The following KDM7A variants were observed in gnomAD, a reference collection of about 807,000 sequenced individuals.
KDM7A encodes the protein lysine-specific demethylase 7A.
In KDM7A, 28 loss-of-function variants were observed where a neutral mutation model predicts 114.8. The ratio of observed to expected loss-of-function variants is 0.24; its 90% CI spans 0.18 to 0.33. KDM7A has a LOEUF of 0.33. KDM7A is among the 10% of genes least tolerant of loss of function. KDM7A has a pLI of 1.00. For synonymous variants in KDM7A, 423 were observed against 397.8 expected (o/e 1.06, Z -0.75); for missense variants, 942 against 1,142.5 (o/e 0.82, Z 2.53).
chr7:140,173,163 C>A (rs2116864106), intron 1 of KDM7A, among the ~76,000 whole-genome samples: 1 of 152,184 alleles, frequency 6.6e-6, no homozygotes, highest in Admixed American at 6.5e-5. Flanking sequence ...TATAGTGGTA[C>A]GTCCACCAAG....
At chr7:140,119,050 C>G in intron 9 of KDM7A, 63 bp downstream of exon 9, 1 of 904,114 alleles carries the variant, frequency 1.1e-6, no homozygotes, top group Admixed American at 1.9e-5. Flanking sequence ...TGTCAGGTGG[C>G]TATGAGTGAA....
chr7:140,137,937 A>G (rs1432369795), intron 2 of KDM7A, among the ~76,000 whole-genome samples: 1 of 150,530 alleles, frequency 6.6e-6, no homozygotes, highest in Admixed American at 6.7e-5. Context: ...ATCAAGGTAC[A>G]TTCAGGCAAA....
intron 3 of KDM7A, among the ~76,000 whole-genome samples, chr7:140,130,136 A>G (rs1818762512): frequency 6.6e-6 from 1 of 152,196 alleles, no homozygotes; most frequent in Non-Finnish European, 1.5e-5. Flanking sequence ...GTTCCTTAGC[A>G]TTTTGGATAA....
At chr7:140,091,286 C>T in intron 19 of KDM7A, 98 bp from the exon 20 acceptor site, 1 of 830,638 alleles carries the variant, frequency 1.2e-6, no homozygotes, top group Non-Finnish European at 2.1e-6. Context: ...GGGAAGTAAG[C>T]CCTTAGGTGT....
At chr7:140,133,415 AG>A in intron 3 of KDM7A, 123 bp downstream of exon 3, 1 of 566,754 alleles carries the variant, frequency 1.8e-6, no homozygotes, top group South Asian at 2.9e-5. Context: ...AAAGGTGAAA[AG>A]CTGGCTGAGG....
Position 140,086,869 on chromosome 7 carries a change from T to TG in KDM7A, c.*4224dup. ...AGGTCTAGGACACCACCAAGACTGG[T>TG]GAGCTCTAGCTTCTCTTTATGTGGC... On this transcript the variant is annotated 3_prime_UTR_variant, in exon 20 of 20. Coordinates refer to ENST00000397560, the MANE Select transcript of KDM7A (RefSeq NM_030647.2). 1 of 152,114 alleles carries TG rather than the reference T, an allele frequency of 6.6e-6. No homozygotes were observed. Among genetic ancestry groups the TG allele is most frequent in the Middle Eastern group, 3.4e-3 (1 of 294 alleles). 9.4% of individuals were successfully genotyped at this position (152,114 alleles called of 1,614,324 possible).
chr7:140,157,157 T>C (rs555975455), intron 1 of KDM7A, among the ~76,000 whole-genome samples: 3 of 152,322 alleles, frequency 2.0e-5, no homozygotes, highest in South Asian at 2.1e-4. Context: ...TTGAGCTGTA[T>C]AGGAGGAAAA....
At chr7:140,121,655 G>A (rs1182695601) in intron 7 of KDM7A, among the ~76,000 whole-genome samples, 1 of 152,186 alleles carries the variant, frequency 6.6e-6, no homozygotes, top group African/African-American at 2.4e-5. Flanking sequence ...TGGGAGCCAG[G>A]AGTACAATAT....
Position 140,097,017 on chromosome 7 carries a change from T to C in KDM7A, c.2047A>G (p.Ser683Gly). 1 of 1,612,490 alleles carries C rather than the reference T, an allele frequency of 6.2e-7. No individual in the cohort carries two copies. The highest frequency in any genetic ancestry group is 8.5e-7 in the Non-Finnish European group (1 of 1,178,742). ...KSIFTTEESE[S>G]SGDEKKQEIT... ...TCTTGTTTCTTTTCATCACCTGAACTTTCAGACTCTTCAGTGGTAAAGATA... is the reference window on the plus strand; with the variant it reads ...TCTTGTTTCTTTTCATCACCTGAACCTTCAGACTCTTCAGTGGTAAAGATA... Residue 683 changes from serine (S) to glycine (G), a missense_variant, in exon 16 of 20, where the codon AGT (serine) becomes GGT (glycine). Coordinates refer to ENST00000397560, the MANE Select transcript of KDM7A (RefSeq NM_030647.2).
At chr7:140,114,666 C>A (rs1243276283) in intron 9 of KDM7A, among the ~76,000 whole-genome samples, 1 of 151,854 alleles carries the variant, frequency 6.6e-6, no homozygotes, top group Non-Finnish European at 1.5e-5. Context: ...GCCCGGCTGC[C>A]CAGTCTGGGG....
chr7:140,100,661 T>TATATATATATATATATACACAC (rs1562945807), intron 12 of KDM7A, among the ~76,000 whole-genome samples: 30 of 40,726 alleles, frequency 7.4e-4, no homozygotes, highest in Non-Finnish European at 1.0e-3. Flanking sequence ...TTTAAAAAGT[T>TATATATATATATATATACACAC]ATATATATAT....
intron 1 of KDM7A, among the ~76,000 whole-genome samples, chr7:140,150,541 G>C (rs1297213549): frequency 6.6e-6 from 1 of 152,160 alleles, no homozygotes; most frequent in Non-Finnish European, 1.5e-5. Flanking sequence ...ACAAAAGCCA[G>C]GTGCGTAACA....
At chr7:140,096,273 T>G (rs1395863028) in intron 17 of KDM7A, among the ~76,000 whole-genome samples, 1 of 152,214 alleles carries the variant, frequency 6.6e-6, no homozygotes, top group East Asian at 1.9e-4. Context: ...TCCACTCTGA[T>G]CAACCTGTCT....
chr7:140,099,847 A>C (rs1818173972), intron 13 of KDM7A, 52 bp downstream of exon 13: 2 of 1,556,696 alleles, frequency 1.3e-6, no homozygotes, highest in Admixed American at 3.3e-5. Flanking sequence ...AAATGAACAA[A>C]GGGAACCCAA....
At chr7:140,117,360 T>G (rs988647048) in intron 9 of KDM7A, among the ~76,000 whole-genome samples, 1 of 152,206 alleles carries the variant, frequency 6.6e-6, no homozygotes, top group Admixed American at 6.5e-5. Flanking sequence ...AATGGCAAGA[T>G]TTTGTCTTTC....
At chr7:140,129,840 T>C (rs1818758721) in intron 3 of KDM7A, among the ~76,000 whole-genome samples, 187 bp from the exon 4 acceptor site, 1 of 152,168 alleles carries the variant, frequency 6.6e-6, no homozygotes. Context: ...CTAAAATTTA[T>C]AGATAATGTA....
intron 1 of KDM7A, among the ~76,000 whole-genome samples, chr7:140,166,622 G>A (rs1398698586): frequency 2.0e-5 from 3 of 152,110 alleles, no homozygotes; most frequent in African/African-American, 7.2e-5. Context: ...ATAGGCATAA[G>A]CCACTGCACC....
At chr7:140,141,754 C>T (rs1365751007) in intron 1 of KDM7A, among the ~76,000 whole-genome samples, 3 of 151,420 alleles carry the variant, frequency 2.0e-5, no homozygotes, top group Non-Finnish European at 4.4e-5. Context: ...ATTAGCCAGG[C>T]ATGTTGGCGC....
rs778407084 is a variant in KDM7A at position 140,127,623 on chromosome 7, G to A, written c.560-40C>T. On this transcript the variant is annotated intron_variant, in intron 4 of 19. Transcript: ENST00000397560. The stretch of plus-strand genomic sequence containing the variant: ...TACAGTCTTATTATTGGACTTAAGA[G>A]TTACATCAGCAGATGCTCTAATCAA... 8.0e-5 allele frequency: 124 copies of A among 1,552,528 alleles called. No homozygotes were observed. In the Admixed American group the frequency reaches 1.9e-3, roughly 23 times the overall value.
Sources: allele counts gnomAD v4.1 joint callset (sites outside exome capture counted in the v4.1 genomes callset), GRCh38; gene constraint gnomAD v4.1.1; transcripts MANE v1.5; gene names NCBI Gene and HGNC (gene_info 2026-07-23, HGNC 2026-07-21).